The following DOCK8 variants were observed in gnomAD, a reference collection of about 807,000 sequenced individuals.
DOCK8 encodes dedicator of cytokinesis protein 8.
In DOCK8, 141 loss-of-function variants were observed where a neutral mutation model predicts 245.6. The ratio of observed to expected loss-of-function variants is 0.57; its 90% CI spans 0.50 to 0.66. The LOEUF (loss-of-function observed/expected upper bound fraction) is 0.66, where lower values mean the gene tolerates loss of function less well. Among genes scored for constraint, DOCK8 ranks in the 30% least tolerant of loss-of-function variants. DOCK8 has a pLI of 0.00. For missense variants in DOCK8, 2,965 were observed against 2,603.4 expected (o/e 1.14, Z -3.02); for synonymous variants, 1,168 against 970.2 (o/e 1.20, Z -3.79).
At chr9:215,076 G>C (rs1041073669) in intron 1 of DOCK8, 47 bp downstream of exon 1, 1 of 1,540,066 alleles carries the variant, frequency 6.5e-7, no homozygotes, top group Non-Finnish European at 8.7e-7. Flanking sequence ...ACAGCCCAGC[G>C]CTGGTGTGAA....
intron 28 of DOCK8, among the ~76,000 whole-genome samples, chr9:414,074 G>A (rs1226660255): frequency 6.6e-6 from 1 of 151,696 alleles, no homozygotes; most frequent in Non-Finnish European, 1.5e-5. Flanking sequence ...CCCAGGAGGT[G>A]GAGGTTGCAG....
At chr9:278,195 G>A (rs1283509128) in intron 2 of DOCK8, among the ~76,000 whole-genome samples, 1 of 152,258 alleles carries the variant, frequency 6.6e-6, no homozygotes, top group Non-Finnish European at 1.5e-5. Context: ...AATCAACTCA[G>A]CCTTGGTGAA....
chr9:405,774 GA>G (rs945312038), intron 27 of DOCK8, among the ~76,000 whole-genome samples: 2 of 151,130 alleles, frequency 1.3e-5, no homozygotes, highest in Non-Finnish European at 3.0e-5. Flanking sequence ...CTTACTAATT[GA>G]AAAAAAAATC....
At chr9:226,252 G>T (rs947755355) in intron 1 of DOCK8, among the ~76,000 whole-genome samples, 1 of 152,150 alleles carries the variant, frequency 6.6e-6, no homozygotes, top group Admixed American at 6.6e-5. Flanking sequence ...AAAACCATCA[G>T]ATCTCGTGAG....
At chr9:334,952 A>G (rs758722436) in intron 11 of DOCK8, among the ~76,000 whole-genome samples, 7 of 152,040 alleles carry the variant, frequency 4.6e-5, no homozygotes, top group Non-Finnish European at 7.4e-5. Flanking sequence ...GTGTGGTGGT[A>G]CACGTCTGTA....
In DOCK8 at chr9:414,789, A is replaced by G. The variant is rs2055908182; in HGVS notation, c.3538A>G (p.Lys1180Glu). The change falls in exon 29 of 48, where the codon AAA becomes GAA. Residue 1180 changes from lysine (K) to glutamate (E), a missense_variant. Lys to Glu is a moderately conservative substitution (Grantham distance 56). Coordinates refer to ENST00000432829, the MANE Select transcript of DOCK8 (RefSeq NM_203447.4). ...ALDAEGEGIS[K>E]VQRKAVSAIH... ...CCTGTGTTGTGCCAACAGAATCAGCAAAGTACAAAGGAAAGCTGTCAGTGC... is the reference window on the plus strand; with the variant it reads ...CCTGTGTTGTGCCAACAGAATCAGCGAAGTACAAAGGAAAGCTGTCAGTGC... The G allele has an allele frequency of 6.2e-7, 1 of 1,614,232 alleles. No individual in the cohort carries two copies. Among genetic ancestry groups the G allele is most frequent in the Non-Finnish European group, 8.5e-7 (1 of 1,180,034 alleles).
At chr9:251,572 T>A (rs560466158) in intron 1 of DOCK8, among the ~76,000 whole-genome samples, 61 of 152,326 alleles carry the variant, frequency 4.0e-4, no homozygotes, top group Admixed American at 7.2e-4. Flanking sequence ...ATAGCAGCTT[T>A]TTCTGAGATG....
chr9:304,729 TA>T, intron 5 of DOCK8, 25 bp downstream of exon 5: 1 of 1,614,062 alleles, frequency 6.2e-7, no homozygotes, highest in Non-Finnish European at 8.5e-7. Context: ...CAAACATGGT[TA>T]CCAGGTTACT....
chr9:418,700 G>A (rs1360007556), intron 30 of DOCK8, among the ~76,000 whole-genome samples: 2 of 152,228 alleles, frequency 1.3e-5, no homozygotes, highest in African/African-American at 4.8e-5. Context: ...TCTGGCAACA[G>A]CAAGAGATGT....
intron 24 of DOCK8, among the ~76,000 whole-genome samples, chr9:390,937 C>T (rs1474988451): frequency 3.9e-5 from 6 of 152,150 alleles, no homozygotes; most frequent in African/African-American, 1.2e-4. Flanking sequence ...TTTTAAAAAC[C>T]GATCGATGAT....
At chr9:319,171 A>G (rs2050475384) in intron 7 of DOCK8, among the ~76,000 whole-genome samples, 1 of 152,142 alleles carries the variant, frequency 6.6e-6, no homozygotes, top group South Asian at 2.1e-4. Flanking sequence ...AGCCCTAGCT[A>G]CATTGGGAGG....
chr9:215,623 C>G (rs1334440882), intron 1 of DOCK8: 2 of 520,898 alleles, frequency 3.8e-6, no homozygotes, highest in African/African-American at 4.0e-5. Flanking sequence ...TTTAAAAAAT[C>G]TACACTTAAA....
intron 29 of DOCK8, among the ~76,000 whole-genome samples, chr9:417,582 G>C (rs1018378532): frequency 6.6e-6 from 1 of 152,116 alleles, no homozygotes. Flanking sequence ...CATACATCTA[G>C]ACCTATCTAT....
rs1489568117 is a variant in DOCK8, at chr9:324,487, C to A, written c.828-1184C>A. On this transcript the variant is annotated intron_variant, in intron 7 of 47. Coordinates refer to ENST00000432829, the MANE Select transcript of DOCK8 (RefSeq NM_203447.4). ...GTTCCATGTGCACCTGTAATGTCCA[C>A]CAAGATACTAAAGGCAAATAATGCA... Among the ~76,000 whole-genome samples, 3 of 152,222 alleles carry A rather than the reference C, an allele frequency of 2.0e-5. No homozygotes were observed. The East Asian group carries it at 5.8e-4, about 29-fold the overall frequency.
In DOCK8 at chr9:333,429, G is replaced by A. The variant is rs144931074; in HGVS notation, c.1126-796G>A. The stretch of plus-strand genomic sequence containing the variant: ...ATCCTGGCCAACACGGTGAAACCCC[G>A]TCTCTGCTAAAAATACAAAAAATTA... On this transcript the variant is annotated intron_variant, in intron 10 of 47. Coordinates refer to ENST00000432829, the MANE Select transcript of DOCK8 (RefSeq NM_203447.4). 1.5e-3 allele frequency among the ~76,000 whole-genome samples: 226 copies of A among 152,018 alleles called. 2 individuals are homozygous for A. In the East Asian group the frequency reaches 0.017, roughly 11 times the overall value.
chr9:314,109 T>G (rs2050243730), intron 6 of DOCK8, among the ~76,000 whole-genome samples: 1 of 152,276 alleles, frequency 6.6e-6, no homozygotes, highest in Middle Eastern at 3.2e-3. Context: ...CCCTTGTTTA[T>G]GTATCTACAT....
chr9:403,918 A>ATATATATATATGTG (rs1204309085), intron 26 of DOCK8, among the ~76,000 whole-genome samples: 4 of 75,242 alleles, frequency 5.3e-5, no homozygotes, highest in East Asian at 4.0e-4. Flanking sequence ...ATATATATAC[A>ATATATATATATGTG]TATATATATA....
intron 42 of DOCK8, 89 bp downstream of exon 42, chr9:442,098 G>A: frequency 1.3e-6 from 2 of 1,552,692 alleles, no homozygotes; most frequent in South Asian, 1.1e-5. Context: ...CAAATAAAGA[G>A]TTATGGATTC....
chr9:405,668 C>G (rs1389916739), intron 27 of DOCK8, among the ~76,000 whole-genome samples: 1 of 152,126 alleles, frequency 6.6e-6, no homozygotes, highest in African/African-American at 2.4e-5. Context: ...TTATAGGGAA[C>G]ACATCAGTAG....
Sources: allele counts gnomAD v4.1 joint callset (sites outside exome capture counted in the v4.1 genomes callset), GRCh38; gene constraint gnomAD v4.1.1; transcripts MANE v1.5; gene names NCBI Gene and HGNC (gene_info 2026-07-23, HGNC 2026-07-21).